Variants in APP observed in about 807,000 individuals in gnomAD.
APP encodes amyloid beta precursor protein, also known as amyloid-beta precursor protein.
APP carries 31 observed loss-of-function variants against 101.4 expected under a neutral mutation model. That is an observed-to-expected ratio of 0.31 (90% CI 0.23 to 0.41). The LOEUF (loss-of-function observed/expected upper bound fraction) is 0.41. Ranked by LOEUF, APP falls within the 10% of genes least tolerant of loss-of-function variation. APP has a pLI of 1.00. For missense variants in APP, 839 were observed against 1,003.7 expected, an observed-to-expected ratio of 0.84 and a Z score of 2.22; for synonymous variants, 366 against 364.4, an observed-to-expected ratio of 1.00 and a Z score of -0.05.
At chr21:26,152,284 C>CAAAAAAAAAAAAAAAAAAA (rs1161739630) in intron 1 of APP, among the ~76,000 whole-genome samples, 11 of 36,178 alleles carry the variant, frequency 3.0e-4, no homozygotes, top group African/African-American at 7.3e-4. Flanking sequence ...GACTCCATCT[C>CAAAAAAAAAAAAAAAAAAA]AAAAAAAAAA....
intron 1 of APP, among the ~76,000 whole-genome samples, chr21:26,148,965 C>A (rs950114338): frequency 6.6e-6 from 1 of 152,164 alleles, no homozygotes; most frequent in African/African-American, 2.4e-5. Flanking sequence ...ACTCCAACAT[C>A]CACACTCAGA....
intron 6 of APP, among the ~76,000 whole-genome samples, chr21:26,010,755 A>C (rs1362913790): frequency 1.6e-5 from 2 of 125,082 alleles, no homozygotes; most frequent in African/African-American, 5.9e-5. Context: ...TGGGCAGCAG[A>C]GGTTGCAGTG....
At chr21:25,911,316 T>A (rs2039057955) in intron 14 of APP, among the ~76,000 whole-genome samples, 1 of 152,220 alleles carries the variant, frequency 6.6e-6, no homozygotes, top group Admixed American at 6.5e-5. Context: ...GAACTGCCTC[T>A]TCAATAATAC....
intron 1 of APP, among the ~76,000 whole-genome samples, chr21:26,133,039 C>T (rs1176438893): frequency 6.6e-6 from 1 of 151,980 alleles, no homozygotes; most frequent in Non-Finnish European, 1.5e-5. Flanking sequence ...GAGTTGGAGA[C>T]CAGCCTGGGC....
At chr21:26,079,317 C>A (rs2061553141) in intron 3 of APP, among the ~76,000 whole-genome samples, 1 of 151,996 alleles carries the variant, frequency 6.6e-6, no homozygotes, top group South Asian at 2.1e-4. Flanking sequence ...GAGAAAATTC[C>A]ACGACAATAA....
intron 2 of APP, among the ~76,000 whole-genome samples, chr21:26,103,132 A>G (rs958916274): frequency 1.3e-5 from 2 of 152,222 alleles, no homozygotes; most frequent in Non-Finnish European, 2.9e-5. Flanking sequence ...TGCATGCTTA[A>G]TGTGTTTGGA....
At chr21:26,107,866 T>C (rs1366887747) in intron 2 of APP, among the ~76,000 whole-genome samples, 1 of 152,182 alleles carries the variant, frequency 6.6e-6, no homozygotes. Flanking sequence ...CAATGCACCC[T>C]TAGTATCCAA....
At chr21:26,144,014 T>A (rs2063102603) in intron 1 of APP, among the ~76,000 whole-genome samples, 1 of 152,134 alleles carries the variant, frequency 6.6e-6, no homozygotes, top group African/African-American at 2.4e-5. Context: ...TCAGCATGGC[T>A]GGGGAGGCCT....
At chr21:26,121,174 C>G (rs2062559865) in intron 1 of APP, among the ~76,000 whole-genome samples, 1 of 152,176 alleles carries the variant, frequency 6.6e-6, no homozygotes, top group Non-Finnish European at 1.5e-5. Context: ...TCAGTTATCA[C>G]CTGGGTTTTG....
chr21:26,133,591 C>G (rs1323949174), intron 1 of APP, among the ~76,000 whole-genome samples: 1 of 152,146 alleles, frequency 6.6e-6, no homozygotes, highest in African/African-American at 2.4e-5. Context: ...TGAAGACCAG[C>G]CTGGCCAAGA....
At chr21:26,083,436 C>T (rs2061637448) in intron 3 of APP, among the ~76,000 whole-genome samples, 1 of 151,940 alleles carries the variant, frequency 6.6e-6, no homozygotes, top group East Asian at 1.9e-4. Context: ...AAACAGGAAA[C>T]GATTAAATAA....
chr21:25,909,335 A>G (rs1329572766), intron 14 of APP, among the ~76,000 whole-genome samples: 1 of 151,892 alleles, frequency 6.6e-6, no homozygotes, highest in East Asian at 1.9e-4. Context: ...CAATATATAT[A>G]TGTCAATGTT....
chr21:26,154,008 C>A (rs2063327505), intron 1 of APP, among the ~76,000 whole-genome samples: 1 of 152,148 alleles, frequency 6.6e-6, no homozygotes, highest in East Asian at 1.9e-4. Flanking sequence ...AACAAAAGAA[C>A]ACCAATCCCA....
intron 3 of APP, among the ~76,000 whole-genome samples, chr21:26,058,341 C>T (rs2046124073): frequency 6.6e-6 from 1 of 152,190 alleles, no homozygotes; most frequent in Non-Finnish European, 1.5e-5. Flanking sequence ...TGGTCACATG[C>T]ACCTGCAAGG....
intron 16 of APP, among the ~76,000 whole-genome samples, chr21:25,892,562 C>T (rs1390746496): frequency 6.6e-6 from 1 of 152,162 alleles, no homozygotes; most frequent in Non-Finnish European, 1.5e-5. Context: ...GAAGTACAGG[C>T]AACAAGAATT....
rs184192471 is a variant in APP at position 26,163,079 on chromosome 21, A to C, written c.57+7485T>G. On this transcript the variant is annotated intron_variant, in intron 1 of 17. Coordinates refer to ENST00000346798, the MANE Select transcript of APP (RefSeq NM_000484.4). ...CCTGTCTCTACTAAAAAAAAAAAAA[A>C]CAAAAACAAAAATTAGCCAGGCGTG... Among the ~76,000 whole-genome samples the C allele has an allele frequency of 5.5e-3, 818 of 148,654 alleles. 33 individuals are homozygous for C. The highest frequency in any genetic ancestry group is 0.046 in the Admixed American group (693 of 14,916).
chr21:26,166,222 C>CA (rs139829013), intron 1 of APP, among the ~76,000 whole-genome samples: 130 of 152,294 alleles, frequency 8.5e-4, no homozygotes, highest in Non-Finnish European at 1.7e-3. Context: ...TCTTATACAA[C>CA]AATAAAAAAA....
chr21:25,936,831 G>C (rs1055453207), intron 13 of APP, among the ~76,000 whole-genome samples: 2 of 152,194 alleles, frequency 1.3e-5, no homozygotes, highest in African/African-American at 2.4e-5. Context: ...GCACAGGTCA[G>C]AATAGCTTTT....
At chr21:26,117,487 TAAAATC>T (rs1238029185) in intron 1 of APP, among the ~76,000 whole-genome samples, 1 of 152,162 alleles carries the variant, frequency 6.6e-6, no homozygotes, top group Admixed American at 6.5e-5. Context: ...GAACTGAAAT[TAAAATC>T]AGAATCACAA....
Sources: allele counts gnomAD v4.1 joint callset (sites outside exome capture counted in the v4.1 genomes callset), GRCh38; gene constraint gnomAD v4.1.1; transcripts MANE v1.5; gene names NCBI Gene and HGNC (gene_info 2026-07-23, HGNC 2026-07-21).